Variants in C6orf141 observed in about 807,000 individuals in gnomAD.
The protein encoded by C6orf141 is chromosome 6 open reading frame 141.
For missense variants in C6orf141, 361 were observed against 335.8 expected (o/e 1.07, Z -0.59); for synonymous variants, 164 against 140.5 (o/e 1.17, Z -1.18).
At position 49,550,886 on chromosome 6, in the gene C6orf141, T is replaced by C. The variant is rs45551532; in HGVS notation, c.94T>C (p.Phe32Leu). 0.029 allele frequency: 43,922 copies of C among 1,520,384 alleles called. 1,355 individuals are homozygous for C. Among genetic ancestry groups the C allele is most frequent in the African/African-American group, 0.15 (11,024 of 71,124 alleles). The allele number at this position is 1,520,384 out of a possible 1,614,324, so 94.2% of individuals were successfully genotyped here. A position where few individuals can be genotyped will look rare whatever the true frequency, so the allele number is the denominator to read the frequency against. Residue 32 changes from phenylalanine to leucine, a missense_variant, in exon 1 of 1, where the codon TTT becomes CTT. By Grantham distance (22) the Phe-to-Leu change is conservative. Transcript: ENST00000529246. ...CCGCAGCCTGGGGGACCTCGGGCCT[T>C]TTCCGCGGGAGGTAGGGCGCGGGGC... ...SSRSLGDLGP[F>L]PREVGRGAPL...
In C6orf141 at chr6:49,561,101, A is replaced by AT. The variant is rs35286960; in HGVS notation, c.*764-589dup. Among the ~76,000 whole-genome samples the AT allele has an allele frequency of 7.0e-3, 982 of 140,710 alleles. 35 individuals carry two copies. The highest frequency in any genetic ancestry group is 0.025 in the East Asian group (120 of 4,740). The allele number at this position is 140,710 out of a possible 152,430, so 92.3% of individuals were successfully genotyped here. On this transcript the variant is annotated intron_variant and NMD_transcript_variant, in intron 4 of 4. Coordinates refer to the C6orf141 transcript ENST00000371194. ...ACTAAATGCATTCATTGTGAGAGTAATTTTTTTTTTTTTTGAGACAGAGTC... is the reference window on the plus strand; with the variant it reads ...ACTAAATGCATTCATTGTGAGAGTAATTTTTTTTTTTTTTTGAGACAGAGTC...
Position 49,552,031 on chromosome 6 carries a change from C to A in C6orf141, c.*504C>A. On this transcript the variant is annotated 3_prime_UTR_variant, in exon 1 of 1. Transcript: ENST00000529246. ...CAGCAAGTGACTCTCTTCTGATGTG[C>A]ACTTTTCATTTTTCTCCCCCACATT... 1 of 785,690 alleles carries A rather than the reference C, an allele frequency of 1.3e-6. No individual in the cohort carries two copies. The highest frequency in any genetic ancestry group is 1.6e-6 in the Non-Finnish European group (1 of 634,296). 48.7% of individuals were successfully genotyped at this position (785,690 alleles called of 1,614,324 possible). A position where few individuals can be genotyped will look rare whatever the true frequency, so the allele number is the denominator to read the frequency against.
Position 49,550,856 on chromosome 6 carries a change from T to G in C6orf141, c.64T>G (p.Ser22Ala), listed in dbSNP as rs150015338. 1.8e-5 allele frequency: 27 copies of G among 1,499,054 alleles called. No individual in the cohort carries two copies. The South Asian group carries it at 3.6e-4, about 20-fold the overall frequency. 92.9% of individuals were successfully genotyped at this position (1,499,054 alleles called of 1,614,324 possible). ...GPQGAANPMDSSRSLGDLGPF... is the reference protein window; with the variant it reads ...GPQGAANPMDASRSLGDLGPF... ...TCAGGGAGCTGCGAATCCCATGGACTCCTCCCGCAGCCTGGGGGACCTCGG... is the reference window on the plus strand; with the variant it reads ...TCAGGGAGCTGCGAATCCCATGGACGCCTCCCGCAGCCTGGGGGACCTCGG... Residue 22 changes from serine (S) to alanine (A), a missense_variant, in exon 1 of 1, where the codon TCC becomes GCC. Ser to Ala is a moderately conservative substitution (Grantham distance 99). Transcript: ENST00000529246.
chr6:49,555,861 C>G (rs1439679047), downstream of C6orf141, among the ~76,000 whole-genome samples: 2 of 152,200 alleles, frequency 1.3e-5, no homozygotes, highest in Admixed American at 1.3e-4. Context: ...CTGCCTTGGC[C>G]TCCCAACATG....
chr6:49,555,152 G>T (rs9367361), downstream of C6orf141: 51,492 of 151,994 alleles, frequency 0.34, 9,137 homozygotes, highest in East Asian at 0.45. Flanking sequence ...TAACCCCCAG[G>T]ATCAGGCAAG....
At chr6:49,550,938 C>CCG in exon 1 of C6orf141, 2 of 1,544,490 alleles carry the variant, frequency 1.3e-6, no homozygotes, top group Non-Finnish European at 1.7e-6. Context: ...GCCCGGAATC[C>CCG]CGCGACGGCA....
intron 4 of C6orf141, among the ~76,000 whole-genome samples, chr6:49,558,943 G>T (rs540663487): frequency 2.6e-5 from 4 of 151,398 alleles, no homozygotes; most frequent in Non-Finnish European, 5.9e-5. Context: ...TCCTGAACTC[G>T]TGATCCACCT....
downstream of C6orf141, among the ~76,000 whole-genome samples, chr6:49,556,238 A>G (rs1347833793): frequency 1.3e-5 from 2 of 152,212 alleles, no homozygotes; most frequent in African/African-American, 4.8e-5. Context: ...TTAGTTCTGT[A>G]TCCTATTTTG....
In C6orf141 at chr6:49,557,176, C is replaced by G. The variant is rs1385328242; in HGVS notation, c.*763+2019C>G. ...CTGAGGCAGGAGAATCACTTGAACC[C>G]AGGAGGAGGAGGTTGCAGTGAGCTG... is the stretch of plus-strand genomic sequence containing the variant. On this transcript the variant is annotated intron_variant and NMD_transcript_variant, in intron 4 of 4. Transcript: ENST00000371194. Among the ~76,000 whole-genome samples, 9 of 152,248 alleles carry G rather than the reference C, an allele frequency of 5.9e-5. No homozygotes were observed. In the East Asian group the frequency reaches 1.7e-3, roughly 29 times the overall value.
chr6:49,551,802 C>G lies in C6orf141; in HGVS notation c.*275C>G. ...ATGTGGGAGTTTTGAAATGAGAAAA[C>G]CTGTTGTTAATTTGCATTTTGGAAT... On this transcript the variant is annotated 3_prime_UTR_variant, in exon 1 of 1. Transcript: ENST00000529246. 1.9e-5 allele frequency: 25 copies of G among 1,303,836 alleles called. No homozygotes were observed. The highest frequency in any genetic ancestry group is 2.3e-5 in the Non-Finnish European group (23 of 1,017,724). The allele number at this position is 1,303,836 out of a possible 1,614,324, so 80.8% of individuals were successfully genotyped here.
At chr6:49,554,473 C>T (rs916241483), downstream of C6orf141, among the ~76,000 whole-genome samples, 17 of 152,298 alleles carry the variant, frequency 1.1e-4, no homozygotes, top group African/African-American at 3.8e-4. Context: ...CTCCGCCTCC[C>T]ATGTTCACAC....
At chr6:49,554,911 A>G (rs1771503873), downstream of C6orf141, 2 of 152,212 alleles carry the variant, frequency 1.3e-5, no homozygotes, top group Admixed American at 1.3e-4. Flanking sequence ...TGTTATTTGA[A>G]GAGCCTGAGA....
chr6:49,559,730 A>C (rs945007463), intron 4 of C6orf141, among the ~76,000 whole-genome samples: 1 of 152,144 alleles, frequency 6.6e-6, no homozygotes, highest in Non-Finnish European at 1.5e-5. Context: ...ACAATTGGGT[A>C]TCTTGAATTC....
In C6orf141 at chr6:49,551,750, G is replaced by A. The variant is rs1770675022; in HGVS notation, c.*223G>A. 1.4e-6 allele frequency: 2 copies of A among 1,394,176 alleles called. No homozygotes were observed. Among genetic ancestry groups the A allele is most frequent in the East Asian group, 2.8e-5 (1 of 35,832 alleles). 86.4% of individuals were successfully genotyped at this position (1,394,176 alleles called of 1,614,324 possible). On this transcript the variant is annotated 3_prime_UTR_variant, in exon 1 of 1. Coordinates refer to ENST00000529246, the MANE Select transcript of C6orf141 (RefSeq NM_001145652.2). ...GGACCTAAGTCATTCAGAAGAGGTG[G>A]AGAAAAGATATTTTCAGATTGGCAG...
At chr6:49,555,489 C>G (rs1425196138), downstream of C6orf141, among the ~76,000 whole-genome samples, 2 of 149,502 alleles carry the variant, frequency 1.3e-5, no homozygotes, top group African/African-American at 4.9e-5. Context: ...AGAGACAGCA[C>G]CTTGCTATGT....
chr6:49,551,257 C>A lies in C6orf141; in HGVS notation c.465C>A (p.Pro155=), dbSNP rs182552480. 3.7e-4 allele frequency: 576 copies of A among 1,551,640 alleles called. 1 individual carries two copies. In the African/African-American group the frequency reaches 6.3e-3, roughly 17 times the overall value. ...CGCCGCGGGACGCAGCAGACCCACCCAAATACGTGCTTGTGCGGGTGGAGG... is the reference window on the plus strand; with the variant it reads ...CGCCGCGGGACGCAGCAGACCCACCAAAATACGTGCTTGTGCGGGTGGAGG... ...VAPPRDAADP[P]KYVLVRVEDY... is the part of the protein sequence containing the mutation. Residue 155 remains proline (P), a synonymous_variant, in exon 1 of 1, where the codon CCC becomes CCA. Coordinates refer to ENST00000529246, the MANE Select transcript of C6orf141 (RefSeq NM_001145652.2).
At chr6:49,558,722 G>C (rs1352875282) in intron 4 of C6orf141, among the ~76,000 whole-genome samples, 1 of 151,496 alleles carries the variant, frequency 6.6e-6, no homozygotes, top group Non-Finnish European at 1.5e-5. Flanking sequence ...TTTGGGGGGG[G>C]TGCGGGATGG....
chr6:49,560,044 T>G (rs1322652072), intron 4 of C6orf141, among the ~76,000 whole-genome samples: 1 of 152,132 alleles, frequency 6.6e-6, no homozygotes, highest in Non-Finnish European at 1.5e-5. Context: ...CTGGGTGCGG[T>G]GGCTCATGCC....
chr6:49,553,671 T>A (rs1771154627), downstream of C6orf141, among the ~76,000 whole-genome samples: 2 of 152,198 alleles, frequency 1.3e-5, no homozygotes, highest in Admixed American at 6.5e-5. Context: ...GGTTCAAAAC[T>A]GGCTCTACCT....
Sources: gnomAD v4.1 joint callset for allele counts (sites outside exome capture counted in the v4.1 genomes callset) on GRCh38, gnomAD v4.1.1 for gene constraint, MANE v1.5 for transcripts, NCBI Gene and HGNC (gene_info 2026-07-23, HGNC 2026-07-21) for gene names.